The following CDC27 variants were observed in gnomAD, a reference collection of about 807,000 sequenced individuals.
CDC27 encodes cell division cycle protein 27 homolog.
A neutral mutation model predicts 109.7 loss-of-function variants in CDC27; 27 were observed. The observed-to-expected ratio is 0.25, with a 90% CI of 0.18 to 0.34. CDC27 has a LOEUF of 0.34. Ranked by LOEUF, CDC27 falls within the 10% of genes least tolerant of loss-of-function variation. CDC27 has a pLI of 1.00. For missense variants in CDC27, 579 were observed against 960.2 expected, an observed-to-expected ratio of 0.60 and a Z score of 5.25; for synonymous variants, 266 against 333.9, an observed-to-expected ratio of 0.80 and a Z score of 2.22.
chr17:47,183,998 A>C (rs1016240934), intron 1 of CDC27, among the ~76,000 whole-genome samples: 11 of 152,202 alleles, frequency 7.2e-5, no homozygotes, highest in Admixed American at 5.2e-4. Context: ...ATTACCACCA[A>C]ATTACTCCTT....
Position 47,149,509 on chromosome 17 carries a change from TAA to T in CDC27, c.1070+2295_1070+2296del, listed in dbSNP as rs34375130. Among the ~76,000 whole-genome samples, 505 of 112,150 alleles carry T rather than the reference TAA, an allele frequency of 4.5e-3. 1 individual carries two copies. The highest frequency in any genetic ancestry group is 8.5e-3 in the Middle Eastern group (2 of 234). The allele number at this position is 112,150 out of a possible 152,430, so 73.6% of individuals were successfully genotyped here. Reference sequence around the variant, plus strand: ...CTGGTGACAGAGTGAGACTCTGTCTTAAAAAAAAAAAAAAAAAAAAAGAAATG... The same window carrying T: ...CTGGTGACAGAGTGAGACTCTGTCTTAAAAAAAAAAAAAAAAAAAGAAATG... On this transcript the variant is annotated intron_variant, in intron 9 of 18. Transcript: ENST00000066544.
At chr17:47,186,111 C>T (rs2064426130) in intron 1 of CDC27, among the ~76,000 whole-genome samples, 1 of 152,224 alleles carries the variant, frequency 6.6e-6, no homozygotes, top group South Asian at 2.1e-4. Context: ...GTATGTCTAA[C>T]TCTTGTCTCT....
chr17:47,132,093 A>ATTTTT (rs11570547), intron 15 of CDC27, among the ~76,000 whole-genome samples, 164 bp downstream of exon 15: 77 of 149,786 alleles, frequency 5.1e-4, no homozygotes, highest in East Asian at 1.4e-3. Context: ...CAATTCTGTG[A>ATTTTT]TTTTTTATGC....
At chr17:47,151,533 G>A (rs547646238) in intron 9 of CDC27, among the ~76,000 whole-genome samples, 14 of 152,298 alleles carry the variant, frequency 9.2e-5, no homozygotes, top group Non-Finnish European at 1.3e-4. Flanking sequence ...CTAAACTATA[G>A]AAAGGGTCAT....
At chr17:47,187,000 T>C (rs767773046) in intron 1 of CDC27, among the ~76,000 whole-genome samples, 20 of 152,200 alleles carry the variant, frequency 1.3e-4, no homozygotes, top group Non-Finnish European at 4.4e-5. Flanking sequence ...TCCCTGATCA[T>C]TGATCTTTAT....
intron 5 of CDC27, among the ~76,000 whole-genome samples, chr17:47,157,846 T>C (rs1450321485): frequency 6.6e-6 from 1 of 152,208 alleles, no homozygotes; most frequent in Non-Finnish European, 1.5e-5. Flanking sequence ...CCCTGTACTG[T>C]TCAGGTCTTG....
intron 13 of CDC27, 129 bp downstream of exon 13, chr17:47,138,610 A>T: frequency 1.6e-6 from 1 of 606,758 alleles, no homozygotes; most frequent in Non-Finnish European, 2.8e-6. Context: ...GTCCCTGACT[A>T]GAGAGAGAGG....
chr17:47,170,143 A>G, intron 3 of CDC27, 101 bp from the exon 4 acceptor site: 1 of 841,444 alleles, frequency 1.2e-6, no homozygotes, highest in Non-Finnish European at 1.7e-6. Context: ...TGGAGACACA[A>G]ATTTTTTCTC....
rs773168963 is a variant in CDC27 at position 47,181,633 on chromosome 17, G to A, written c.32C>T (p.Ala11Val). MTVLQEPVQA[A>V]IWQALNHYAY... is the part of the protein sequence containing the mutation. ...ATAGTGGTTTAGTGCTTGCCATATA[G>A]CAGCCTGCAAATGGAGGAAAAAGAA... is the stretch of plus-strand genomic sequence containing the variant. Residue 11 changes from alanine (A) to valine (V), a missense_variant, in exon 2 of 19, where the codon GCT becomes GTT. Physicochemically the swap from Ala to Val is moderately conservative, Grantham distance 64. Coordinates refer to ENST00000066544, the MANE Select transcript of CDC27 (RefSeq NM_001256.6). 4 of 1,595,280 alleles carry A rather than the reference G, an allele frequency of 2.5e-6. No individual in the cohort carries two copies. The highest frequency in any genetic ancestry group is 2.6e-6 in the Non-Finnish European group (3 of 1,165,556).
intron 2 of CDC27, among the ~76,000 whole-genome samples, chr17:47,180,480 C>T (rs921646281): frequency 2.0e-5 from 3 of 152,100 alleles, no homozygotes; most frequent in African/African-American, 7.2e-5. Context: ...CCAAGCATTG[C>T]TCTTTGTCCT....
In CDC27 at chr17:47,189,227, C is replaced by A. The variant is rs1019504599; in HGVS notation, c.-55G>T. 11 of 1,428,794 alleles carry A rather than the reference C, an allele frequency of 7.7e-6. No homozygotes were observed. Among genetic ancestry groups the A allele is most frequent in the Non-Finnish European group, 9.9e-6 (10 of 1,011,938 alleles). The allele number at this position is 1,428,794 out of a possible 1,614,324, so 88.5% of individuals were successfully genotyped here. ...GCCTCAGGCCCCCCCTGTAGCGGCT[C>A]CGGCCCGGCCAGCCCCTGCTCATTT... On this transcript the variant is annotated 5_prime_UTR_variant, in exon 1 of 19. Transcript: ENST00000066544.
At chr17:47,147,655 A>G (rs1363415403) in intron 9 of CDC27, among the ~76,000 whole-genome samples, 1 of 151,944 alleles carries the variant, frequency 6.6e-6, no homozygotes, top group Non-Finnish European at 1.5e-5. Flanking sequence ...GGACTGCTTC[A>G]GGCCCGGAGG....
intron 9 of CDC27, among the ~76,000 whole-genome samples, chr17:47,147,982 C>T (rs1184414520): frequency 1.3e-5 from 2 of 150,554 alleles, no homozygotes; most frequent in Non-Finnish European, 3.0e-5. Context: ...GGGCGGATCA[C>T]GAGTCAGGAG....
At position 47,142,024 on chromosome 17, in the gene CDC27, T is replaced by G. The variant is rs780612060; in HGVS notation, c.1380A>C (p.Glu460Asp). The change falls in exon 12 of 19, where the codon GAA becomes GAC. Residue 460 changes from glutamate to aspartate, a missense_variant and splice_region_variant. This residue lies in a region of CDC27 where 58 missense variants were observed against 116.6 expected (regional missense o/e 0.50). Transcript: ENST00000066544. Reference protein sequence around the residue: ...QAFNLQKAAAEGLMSLLREMG... With the variant: ...QAFNLQKAAADGLMSLLREMG... Reference sequence around the variant, plus strand: ...TTTCACGAAGAAGGCTCATCAAACCTTCTAGGAGAAAACAACATAGTAAAC... The same window carrying G: ...TTTCACGAAGAAGGCTCATCAAACCGTCTAGGAGAAAACAACATAGTAAAC... 6.3e-7 allele frequency: 1 copy of G among 1,579,754 alleles called. No individual in the cohort carries two copies. Among genetic ancestry groups the G allele is most frequent in the Non-Finnish European group, 8.6e-7 (1 of 1,166,680 alleles).
In CDC27 at chr17:47,147,815, C is replaced by T. The variant is rs187272126; in HGVS notation, c.1071-3833G>A. On this transcript the variant is annotated intron_variant, in intron 9 of 18. Transcript: ENST00000066544. ...ACTCAGGAGGCTAACGCAAGAGAAT[C>T]GCTTGAGCCAAGGAGTTTGAGGCTA... is the stretch of plus-strand genomic sequence containing the variant. 3.2e-3 allele frequency among the ~76,000 whole-genome samples: 477 copies of T among 151,062 alleles called. 4 individuals carry two copies. Among genetic ancestry groups the T allele is most frequent in the Admixed American group, 0.018 (268 of 15,118 alleles).
At chr17:47,178,173 C>T (rs976812320) in intron 2 of CDC27, among the ~76,000 whole-genome samples, 1 of 151,960 alleles carries the variant, frequency 6.6e-6, no homozygotes, top group Non-Finnish European at 1.5e-5. Context: ...GGTTATCAGC[C>T]TACGTTAAAA....
intron 9 of CDC27, among the ~76,000 whole-genome samples, chr17:47,146,728 T>G (rs546373045): frequency 1.6e-4 from 24 of 152,066 alleles, no homozygotes; most frequent in Non-Finnish European, 2.9e-4. Flanking sequence ...GAATAAAACT[T>G]TAAAATACCT....
chr17:47,164,227 G>A (rs1177357210), intron 4 of CDC27, among the ~76,000 whole-genome samples: 1 of 152,198 alleles, frequency 6.6e-6, no homozygotes, highest in African/African-American at 2.4e-5. Context: ...TAGGTGTGTA[G>A]TAGGCTACAC....
chr17:47,175,039 G>GGAAGGAAGGAAGGA (rs1555558355), intron 2 of CDC27, among the ~76,000 whole-genome samples: 1 of 129,898 alleles, frequency 7.7e-6, no homozygotes, highest in Admixed American at 8.0e-5. Context: ...AAGAGAGAGA[G>GGAAGGAAGGAAGGA]AGGAAGGAAG....
Sources: gnomAD v4.1 joint callset for allele counts (sites outside exome capture counted in the v4.1 genomes callset) on GRCh38, gnomAD v4.1.1 for gene constraint, gnomAD v4.1.1 regional missense constraint, MANE v1.5 for transcripts, NCBI Gene and HGNC (gene_info 2026-07-23, HGNC 2026-07-21) for gene names.